DUSP13A: variants seen among roughly 807,000 people sequenced by gnomAD.
DUSP13A encodes dual specificity phosphatase 13A.
chr10:75,108,811 TC>T, the DUSP13A span, among the ~76,000 whole-genome samples: 1 of 152,276 alleles, frequency 6.6e-6, no homozygotes, highest in Non-Finnish European at 1.5e-5. Flanking sequence ...GCAGGCGAAG[TC>T]CCTGCTCTCC....
chr10:75,107,287 G>A, the DUSP13A span, among the ~76,000 whole-genome samples: 7 of 151,902 alleles, frequency 4.6e-5, no homozygotes, highest in East Asian at 5.8e-4. Flanking sequence ...CCCAGGAGGC[G>A]GAGGAGCAGA....
the DUSP13A span, chr10:75,108,208 C>T: frequency 6.3e-7 from 1 of 1,597,244 alleles, no homozygotes; most frequent in Admixed American, 1.7e-5. Context: ...TTTGCCGTGG[C>T]CCTGGGGAGG....
At chr10:75,107,866 C>A in the DUSP13A span, 1 of 1,185,598 alleles carries the variant, frequency 8.4e-7, no homozygotes, top group South Asian at 1.5e-5. Flanking sequence ...CATGAGCCAC[C>A]ACACACGGCC....
At chr10:75,105,761 C>A in the DUSP13A span, 1 of 1,552,614 alleles carries the variant, frequency 6.4e-7, no homozygotes, top group Non-Finnish European at 8.7e-7. Context: ...TGCTGCCTCA[C>A]GGTGATCACC....
At chr10:75,108,035 G>A in the DUSP13A span, 2 of 1,613,762 alleles carry the variant, frequency 1.2e-6, no homozygotes, top group Non-Finnish European at 1.7e-6. Flanking sequence ...CAGCCGCAGA[G>A]GAGAAGTAGG....
At chr10:75,108,954 A>C in the DUSP13A span, 61 of 1,545,622 alleles carry the variant, frequency 3.9e-5, no homozygotes, top group East Asian at 1.4e-3. Flanking sequence ...TAAAGCGACC[A>C]AGAACTGCCT....
chr10:75,108,305 A>G, the DUSP13A span: 1 of 1,493,972 alleles, frequency 6.7e-7, no homozygotes, highest in Non-Finnish European at 8.8e-7. Flanking sequence ...CCGAGCCATT[A>G]GGGTCCAAAG....
the DUSP13A span, among the ~76,000 whole-genome samples, chr10:75,106,974 G>C: frequency 6.6e-6 from 1 of 152,222 alleles, no homozygotes; most frequent in Non-Finnish European, 1.5e-5. Flanking sequence ...ACAAAGCCAG[G>C]ACACCAGCCT....
the DUSP13A span, chr10:75,108,877 G>A: frequency 8.1e-7 from 1 of 1,228,836 alleles, no homozygotes. Context: ...GGGTCCTGGA[G>A]AAGGTCCCTG....
At chr10:75,106,101 C>CTTTTTT in the DUSP13A span, among the ~76,000 whole-genome samples, 20 of 123,008 alleles carry the variant, frequency 1.6e-4, no homozygotes, top group Non-Finnish European at 2.2e-4. Flanking sequence ...TCTTTCTTTT[C>CTTTTTT]TTTTTTTTTT....
At chr10:75,105,850 C>G in the DUSP13A span, 1 of 1,550,308 alleles carries the variant, frequency 6.5e-7, no homozygotes, top group South Asian at 1.2e-5. Context: ...GCCCACCACA[C>G]AGTGCACCAG....
At chr10:75,107,852 C>T in the DUSP13A span, 8 of 1,085,508 alleles carry the variant, frequency 7.4e-6, 1 homozygote, top group Admixed American at 2.1e-4. Flanking sequence ...GCTAGGATTA[C>T]AAGCATGAGC....
At chr10:75,105,861 G>A in the DUSP13A span, 5 of 1,547,404 alleles carry the variant, frequency 3.2e-6, no homozygotes, top group African/African-American at 4.1e-5. Context: ...AGTGCACCAG[G>A]ACCTTGGCTG....
chr10:75,108,734 T>C, the DUSP13A span, among the ~76,000 whole-genome samples: 1 of 152,322 alleles, frequency 6.6e-6, no homozygotes, highest in South Asian at 2.1e-4. Flanking sequence ...CCTGGGCCTC[T>C]GCCTCTACAC....
chr10:75,106,941 C>G, the DUSP13A span, among the ~76,000 whole-genome samples: 1 of 152,224 alleles, frequency 6.6e-6, no homozygotes, highest in Admixed American at 6.5e-5. Flanking sequence ...CAGTGAGGGA[C>G]ACAGCTGTCT....
At chr10:75,109,082 C>T in the DUSP13A span, 1 of 1,612,458 alleles carries the variant, frequency 6.2e-7, no homozygotes, top group Non-Finnish European at 8.5e-7. Flanking sequence ...CGCAGGAGCT[C>T]CTCCAGCTCC....
chr10:75,108,899 T>C, the DUSP13A span: 1 of 1,407,224 alleles, frequency 7.1e-7, no homozygotes, highest in East Asian at 2.7e-5. Context: ...CCTGGGATGG[T>C]CAGAGCAGAG....
At chr10:75,109,129 C>T in the DUSP13A span, 4 of 1,606,358 alleles carry the variant, frequency 2.5e-6, no homozygotes, top group African/African-American at 2.7e-5. Context: ...GTCCTCTCCC[C>T]CCAGCTCTGG....
chr10:75,105,829 G>A, the DUSP13A span: 1 of 1,550,752 alleles, frequency 6.4e-7, no homozygotes, highest in South Asian at 1.2e-5. Context: ...CAGCGTGGCA[G>A]AGCGGCTCAC....
Sources: allele counts gnomAD v4.1 joint callset (sites outside exome capture counted in the v4.1 genomes callset), GRCh38; gene constraint gnomAD v4.1.1; transcripts MANE v1.5; gene names NCBI Gene and HGNC (gene_info 2026-07-23, HGNC 2026-07-21).